The following NEBL variants were observed in gnomAD, a reference collection of about 807,000 sequenced individuals.
NEBL encodes LIM and SH3 protein 2.
In NEBL, 122 loss-of-function variants were observed where a neutral mutation model predicts 140.2. The ratio of observed to expected loss-of-function variants is 0.87; its 90% CI spans 0.75 to 1.01. NEBL has a LOEUF of 1.01. Ranked by LOEUF, NEBL falls within the 50% of genes least tolerant of loss-of-function variation. NEBL has a pLI of 0.00. For missense variants in NEBL, 1,365 were observed against 1,231.3 expected (o/e 1.11, Z -1.62); for synonymous variants, 436 against 398.9 (o/e 1.09, Z -1.11).
chr10:20,965,953 CT>C (rs1836293923), intron 3 of NEBL, among the ~76,000 whole-genome samples: 1 of 152,166 alleles, frequency 6.6e-6, no homozygotes, highest in Middle Eastern at 3.2e-3. Flanking sequence ...AGTTACCAAC[CT>C]GAGCTCAGAA....
At chr10:21,007,305 C>T (rs1487340639) in intron 3 of NEBL, among the ~76,000 whole-genome samples, 1 of 152,082 alleles carries the variant, frequency 6.6e-6, no homozygotes, top group African/African-American at 2.4e-5. Context: ...GTAGATTAAA[C>T]CAATAAATAA....
chr10:21,004,223 G>C lies in NEBL; in HGVS notation c.249+15894C>G, dbSNP rs151238367. On this transcript the variant is annotated intron_variant, in intron 3 of 6. Coordinates refer to the NEBL transcript ENST00000417816. ...GGTAACAACAGTGTTGTTTGAAGAAGTTTCTTCTTCATGAACACTTCTCTA... is the reference window on the plus strand; with the variant it reads ...GGTAACAACAGTGTTGTTTGAAGAACTTTCTTCTTCATGAACACTTCTCTA... Among the ~76,000 whole-genome samples, 334 of 152,090 alleles carry C rather than the reference G, an allele frequency of 2.2e-3. 2 individuals carry two copies. Among genetic ancestry groups the C allele is most frequent in the African/African-American group, 7.7e-3 (319 of 41,480 alleles).
At chr10:21,168,366 A>T (rs1490595959) in intron 2 of NEBL, among the ~76,000 whole-genome samples, 5 of 152,188 alleles carry the variant, frequency 3.3e-5, no homozygotes, top group African/African-American at 1.2e-4. Flanking sequence ...GTTTTTTCAT[A>T]AGAAATGCTA....
chr10:20,968,684 C>G (rs774560292), intron 3 of NEBL, among the ~76,000 whole-genome samples: 1 of 152,144 alleles, frequency 6.6e-6, no homozygotes, highest in South Asian at 2.1e-4. Context: ...ATATGTTTAA[C>G]AGAAGCCTAA....
Position 20,853,913 on chromosome 10 carries a change from C to A in NEBL, c.904-1264G>T, listed in dbSNP as rs74808940. On this transcript the variant is annotated intron_variant, in intron 9 of 27. Transcript: ENST00000377122. ...TTGAAATGTTCCTAACAGAAAGAAACGACAAATGCTTGAACTGATGGATAC... is the reference window on the plus strand; with the variant it reads ...TTGAAATGTTCCTAACAGAAAGAAAAGACAAATGCTTGAACTGATGGATAC... Among the ~76,000 whole-genome samples the A allele has an allele frequency of 2.4e-3, 365 of 152,090 alleles. 12 individuals carry two copies. The East Asian group carries it at 0.053, about 22-fold the overall frequency.
At chr10:21,241,624 T>C (rs986483257) in intron 3 of NEBL, among the ~76,000 whole-genome samples, 3 of 152,086 alleles carry the variant, frequency 2.0e-5, no homozygotes, top group African/African-American at 7.2e-5. Flanking sequence ...TGCTACAGGC[T>C]GAAAAAGGGA....
intron 4 of NEBL, among the ~76,000 whole-genome samples, chr10:20,911,872 GCAA>G (rs1848343907): frequency 6.6e-6 from 1 of 152,154 alleles, no homozygotes; most frequent in South Asian, 2.1e-4. Flanking sequence ...TGCTTTTCAA[GCAA>G]CAACACCGTC....
intron 12 of NEBL, 78 bp downstream of exon 12, chr10:20,845,180 A>C: frequency 2.2e-5 from 19 of 883,288 alleles, no homozygotes; most frequent in Non-Finnish European, 2.8e-5. Flanking sequence ...CTGAATTAGT[A>C]GAGAATTAGG....
intron 3 of NEBL, among the ~76,000 whole-genome samples, chr10:20,978,736 C>G (rs1171546562): frequency 6.7e-6 from 1 of 149,382 alleles, no homozygotes; most frequent in Non-Finnish European, 1.5e-5. Flanking sequence ...GCCTGGAAGC[C>G]AGAGCGAGAC....
intron 3 of NEBL, among the ~76,000 whole-genome samples, chr10:21,202,974 G>A (rs984875243): frequency 6.6e-6 from 1 of 152,264 alleles, no homozygotes; most frequent in Middle Eastern, 3.4e-3. Flanking sequence ...GACTAGGAAC[G>A]GCATGTTAGA....
intron 3 of NEBL, among the ~76,000 whole-genome samples, chr10:20,974,106 C>T (rs1836692259): frequency 1.3e-5 from 2 of 152,170 alleles, no homozygotes; most frequent in African/African-American, 2.4e-5. Context: ...CAACCCAGGA[C>T]CAGCATTGCC....
intron 9 of NEBL, among the ~76,000 whole-genome samples, chr10:20,857,863 G>T (rs757994119): frequency 3.9e-5 from 6 of 152,066 alleles, no homozygotes; most frequent in Non-Finnish European, 7.4e-5. Flanking sequence ...GCTACTGAAG[G>T]CGTACTAAAT....
chr10:20,912,408 G>A (rs1351405466), intron 4 of NEBL, among the ~76,000 whole-genome samples: 1 of 152,166 alleles, frequency 6.6e-6, no homozygotes, highest in Non-Finnish European at 1.5e-5. Flanking sequence ...CTACGATCGT[G>A]CCACTGCACT....
intron 14 of NEBL, among the ~76,000 whole-genome samples, chr10:20,833,398 G>C (rs1048316100): frequency 6.6e-6 from 1 of 151,916 alleles, no homozygotes; most frequent in Admixed American, 6.5e-5. Flanking sequence ...CTATGGCAAA[G>C]TCCCGAACAT....
chr10:20,976,973 G>A (rs527872280), intron 3 of NEBL, among the ~76,000 whole-genome samples: 1 of 147,656 alleles, frequency 6.8e-6, no homozygotes, highest in South Asian at 2.2e-4. Context: ...CTAAACAAAG[G>A]AACATAGCCA....
intron 13 of NEBL, among the ~76,000 whole-genome samples, chr10:20,837,432 A>G (rs1200652754): frequency 6.6e-6 from 1 of 152,188 alleles, no homozygotes; most frequent in Admixed American, 6.5e-5. Context: ...GTGAAGGCTG[A>G]GAGAGGTGAA....
At chr10:20,793,262 C>T (rs949433425) in intron 26 of NEBL, 5 of 755,118 alleles carry the variant, frequency 6.6e-6, no homozygotes, top group Non-Finnish European at 8.1e-6. Context: ...TAAAGACATG[C>T]CTAATCATCG....
chr10:21,263,821 C>T (rs1378532533), intron 1 of NEBL, among the ~76,000 whole-genome samples: 6 of 152,028 alleles, frequency 3.9e-5, no homozygotes, highest in African/African-American at 9.7e-5. Flanking sequence ...AAAAATTAGC[C>T]GGGCGTGGTG....
At chr10:21,004,491 C>T (rs1382288326) in intron 3 of NEBL, among the ~76,000 whole-genome samples, 4 of 151,994 alleles carry the variant, frequency 2.6e-5, no homozygotes, top group African/African-American at 4.8e-5. Context: ...GAGGCCGAGG[C>T]GGGCAGATCA....
Sources: gnomAD v4.1 joint callset for allele counts (sites outside exome capture counted in the v4.1 genomes callset) on GRCh38, gnomAD v4.1.1 for gene constraint, MANE v1.5 for transcripts, NCBI Gene and HGNC (gene_info 2026-07-23, HGNC 2026-07-21) for gene names.